Variants in LONRF2 observed in about 807,000 individuals in gnomAD.
LONRF2 encodes LON peptidase N-terminal domain and RING finger protein 2.
Under a neutral mutation model 66.6 loss-of-function variants are expected in LONRF2, and 35 were observed. The observed-to-expected ratio is 0.53, with a 90% CI of 0.40 to 0.70. LONRF2 has a LOEUF of 0.70. Among genes scored for constraint, LONRF2 ranks in the 30% least tolerant of loss-of-function variants. LONRF2 has a pLI of 0.00. For synonymous variants in LONRF2, 417 were observed against 418.1 expected (o/e 1.00, Z 0.03); for missense variants, 902 against 1,002.1 (o/e 0.90, Z 1.35).
At chr2:100,313,796 C>G (rs1028760663) in intron 1 of LONRF2, among the ~76,000 whole-genome samples, 4 of 152,102 alleles carry the variant, frequency 2.6e-5, no homozygotes, top group African/African-American at 9.7e-5. Flanking sequence ...CTTTGGATTA[C>G]TTTATCCTGT....
chr2:100,288,732 C>T (rs1219916107), intron 10 of LONRF2, among the ~76,000 whole-genome samples: 1 of 152,214 alleles, frequency 6.6e-6, no homozygotes, highest in Non-Finnish European at 1.5e-5. Flanking sequence ...GGTATGTGTT[C>T]GTCCTGTGTC....
chr2:100,292,721 C>T (rs1674986416), intron 9 of LONRF2, among the ~76,000 whole-genome samples: 1 of 152,160 alleles, frequency 6.6e-6, no homozygotes, highest in Non-Finnish European at 1.5e-5. Flanking sequence ...GTATTCTCAG[C>T]ACCTTGTATA....
rs754001889 is a variant in LONRF2, at chr2:100,299,245, C to G, written c.1342G>C (p.Glu448Gln). ...TCCTACCTCATGCAGAGGGCACACT[C>G]AAAGTCAGTTACATCAAGCGAGAGC... is the stretch of plus-strand genomic sequence containing the variant. ...QGLSLDVTDF[E>Q]CALCMRLLFE... The change falls in exon 6 of 12, where the codon GAG (glutamate) becomes CAG (glutamine). Residue 448 changes from glutamate (E) to glutamine (Q), a missense_variant. Around this residue, in one of 2 missense-constraint regions of LONRF2, gnomAD observed 317 missense variants for 432.2 expected, o/e 0.73. Transcript: ENST00000393437. The G allele has an allele frequency of 6.3e-7, 1 of 1,591,870 alleles. No individual in the cohort carries two copies. The highest frequency in any genetic ancestry group is 1.7e-5 in the Admixed American group (1 of 57,398).
Position 100,309,214 on chromosome 2 carries a change from T to A in LONRF2, c.691A>T (p.Asn231Tyr), listed in dbSNP as rs755800947. The change falls in exon 2 of 12, where the codon AAT (asparagine) becomes TAT (tyrosine). Residue 231 changes from asparagine to tyrosine, a missense_variant. Coordinates refer to ENST00000393437, the MANE Select transcript of LONRF2 (RefSeq NM_198461.4). ...DQALELAPDD[N>Y]SLLLLRAELY... ...TCCGCCCGCAGCAGCAATAATGAAT[T>A]ATCATCAGGAGCTGAAAGACAGGAG... 9 of 1,600,342 alleles carry A rather than the reference T, an allele frequency of 5.6e-6. 1 individual carries two copies. Among genetic ancestry groups the A allele is most frequent in the Middle Eastern group, 3.3e-4 (2 of 6,044 alleles).
chr2:100,303,311 G>A (rs1194096768), intron 2 of LONRF2, among the ~76,000 whole-genome samples: 3 of 152,176 alleles, frequency 2.0e-5, no homozygotes, highest in South Asian at 2.1e-4. Flanking sequence ...TCTAAGGGAC[G>A]TGCTAAGAGA....
chr2:100,302,512 G>A (rs192669454), intron 3 of LONRF2, among the ~76,000 whole-genome samples: 1 of 152,346 alleles, frequency 6.6e-6, no homozygotes, highest in East Asian at 1.9e-4. Context: ...ACTGGATGAT[G>A]GGTAAAAGAG....
At chr2:100,286,865 C>T (rs1419438022) in intron 11 of LONRF2, 49 bp downstream of exon 11, 2 of 1,583,612 alleles carry the variant, frequency 1.3e-6, no homozygotes, top group African/African-American at 1.3e-5. Context: ...TGGCTCAGCA[C>T]ACTACAGCAG....
At chr2:100,305,567 C>T (rs1241535887) in intron 2 of LONRF2, among the ~76,000 whole-genome samples, 1 of 152,144 alleles carries the variant, frequency 6.6e-6, no homozygotes, top group Non-Finnish European at 1.5e-5. Context: ...ATCTCCAGCA[C>T]CAACATCTCT....
In LONRF2 at chr2:100,321,543, C is replaced by A. The variant is rs1279699737; in HGVS notation, c.551G>T (p.Ser184Ile). Residue 184 changes from serine to isoleucine, a missense_variant, in exon 1 of 12, where the codon AGC becomes ATC. Physicochemically the swap from Ser to Ile is moderately radical, Grantham distance 142 (BLOSUM62 -2). This residue lies in a region of LONRF2 where 585 missense variants were observed against 569.9 expected (regional missense o/e 1.03). Coordinates refer to ENST00000393437, the MANE Select transcript of LONRF2 (RefSeq NM_198461.4). ...CGGGAAGCACTTCTCCAGCAGGCCG[C>A]TCAGCACCACGTTCACGCGCCGCAC... ...PQVRRVNVVL[S>I]GLLEKCFPAE... 1 of 1,550,230 alleles carries A rather than the reference C, an allele frequency of 6.5e-7. No homozygotes were observed. Among genetic ancestry groups the A allele is most frequent in the Non-Finnish European group, 8.6e-7 (1 of 1,160,176 alleles).
intron 2 of LONRF2, among the ~76,000 whole-genome samples, chr2:100,306,960 G>A (rs1244772169): frequency 3.7e-5 from 5 of 135,568 alleles, no homozygotes; most frequent in Non-Finnish European, 7.7e-5. Context: ...TCGCTCTGTT[G>A]CCCAGGCTGG....
intron 1 of LONRF2, among the ~76,000 whole-genome samples, chr2:100,314,502 G>A (rs1333754663): frequency 6.6e-6 from 1 of 152,000 alleles, no homozygotes; most frequent in Non-Finnish European, 1.5e-5. Context: ...TGAATCATAG[G>A]CATTATTTAT....
intron 5 of LONRF2, 109 bp from the exon 6 acceptor site, chr2:100,299,428 A>C: frequency 6.1e-6 from 4 of 653,978 alleles, no homozygotes; most frequent in Non-Finnish European, 1.0e-5. Context: ...AATGTAACAA[A>C]TCACACTGGG....
Position 100,303,054 on chromosome 2 carries a change from C to A in LONRF2, c.799-11G>T, listed in dbSNP as rs367749094. The A allele has an allele frequency of 6.4e-7, 1 of 1,573,846 alleles. No homozygotes were observed. Among genetic ancestry groups the A allele is most frequent in the Non-Finnish European group, 8.6e-7 (1 of 1,159,986 alleles). On this transcript the variant is annotated splice_polypyrimidine_tract_variant and intron_variant, in intron 2 of 11. Transcript: ENST00000393437. Reference sequence around the variant, plus strand: ...TTTTACTTGATGTCCCTAGATTCACCGAAGACAAAGTGTACATTTTTAAAA... The same window carrying A: ...TTTTACTTGATGTCCCTAGATTCACAGAAGACAAAGTGTACATTTTTAAAA...
intron 3 of LONRF2, among the ~76,000 whole-genome samples, chr2:100,301,477 G>A (rs764192700): frequency 1.3e-5 from 2 of 152,228 alleles, no homozygotes; most frequent in Non-Finnish European, 2.9e-5. Flanking sequence ...GGTTCAAGGT[G>A]AGTGCGCTAG....
Position 100,294,230 on chromosome 2 carries a change from C to T in LONRF2, c.1756G>A (p.Gly586Arg). ...GAACCAAATGCTAACAGTTCTTACC[C>T]CGCGTGCTCAGCAGATAAACACATG... Reference protein sequence around the residue: ...FGMCLSAEHAGLSEYGCMLEI... With the variant: ...FGMCLSAEHARLSEYGCMLEI... The change falls in exon 9 of 12, where the codon GGG becomes AGG. Residue 586 changes from glycine to arginine, a missense_variant and splice_region_variant. Physicochemically the swap from Gly to Arg is moderately radical, Grantham distance 125. Coordinates refer to ENST00000393437, the MANE Select transcript of LONRF2 (RefSeq NM_198461.4). The T allele has an allele frequency of 1.9e-6, 3 of 1,602,088 alleles. No homozygotes were observed. Among genetic ancestry groups the T allele is most frequent in the Non-Finnish European group, 2.6e-6 (3 of 1,175,642 alleles).
rs367768537 is a variant in LONRF2 at position 100,309,865 on chromosome 2, G to T, written c.680-640C>A. ...TTTTTGTATCTTTAGTAGAGATGGGGTTTCACCATGTTGGCCAGGCTGGTG... is the reference window on the plus strand; with the variant it reads ...TTTTTGTATCTTTAGTAGAGATGGGTTTTCACCATGTTGGCCAGGCTGGTG... On this transcript the variant is annotated intron_variant, in intron 1 of 11. Transcript: ENST00000393437. Among the ~76,000 whole-genome samples the T allele has an allele frequency of 3.3e-3, 507 of 152,092 alleles. 2 individuals carry two copies. Among genetic ancestry groups the T allele is most frequent in the South Asian group, 6.2e-3 (30 of 4,818 alleles).
chr2:100,286,329 C>T (rs1488960469), intron 11 of LONRF2, among the ~76,000 whole-genome samples: 1 of 152,174 alleles, frequency 6.6e-6, no homozygotes, highest in Non-Finnish European at 1.5e-5. Context: ...GCCTGGCTCT[C>T]CCATCTAATG....
At chr2:100,305,456 C>T (rs1675272525) in intron 2 of LONRF2, among the ~76,000 whole-genome samples, 1 of 152,160 alleles carries the variant, frequency 6.6e-6, no homozygotes. Context: ...TTGGCAGCCA[C>T]TGATGGGTAA....
chr2:100,302,226 C>T (rs187174337), intron 3 of LONRF2, among the ~76,000 whole-genome samples: 32 of 152,270 alleles, frequency 2.1e-4, no homozygotes, highest in Admixed American at 1.8e-3. Context: ...CACAGGGTGA[C>T]ATTAAGGCAA....
Sources: allele counts gnomAD v4.1 joint callset (sites outside exome capture counted in the v4.1 genomes callset), GRCh38; gene constraint gnomAD v4.1.1; regional missense constraint gnomAD v4.1.1; transcripts MANE v1.5; gene names NCBI Gene and HGNC (gene_info 2026-07-23, HGNC 2026-07-21).